KPNA6: variants seen among roughly 807,000 people sequenced by gnomAD.
KPNA6 encodes importin subunit alpha-7.
A neutral mutation model predicts 72.0 loss-of-function variants in KPNA6; 9 were observed. The observed-to-expected ratio is 0.13, with a 90% CI of 0.08 to 0.22. KPNA6 has a LOEUF of 0.22. KPNA6 is among the 10% of genes least tolerant of loss of function. KPNA6 has a pLI of 1.00. For synonymous variants in KPNA6, 219 were observed against 242.1 expected (o/e 0.90, Z 0.89); for missense variants, 374 against 655.7 (o/e 0.57, Z 4.69).
At position 32,147,650 on chromosome 1, in the gene KPNA6, C is replaced by CTTTT. The variant is rs915571659; in HGVS notation, c.5-6914_5-6911dup. Among the ~76,000 whole-genome samples, 15 of 81,868 alleles carry CTTTT rather than the reference C, an allele frequency of 1.8e-4. 1 individual carries two copies. The highest frequency in any genetic ancestry group is 2.5e-4 in the African/African-American group (5 of 20,300). 53.7% of individuals were successfully genotyped at this position (81,868 alleles called of 152,430 possible). A position where few individuals can be genotyped will look rare whatever the true frequency, so the allele number is the denominator to read the frequency against. On this transcript the variant is annotated intron_variant, in intron 1 of 13. Coordinates refer to ENST00000373625, the MANE Select transcript of KPNA6 (RefSeq NM_012316.5). ...CCTTCTGACTTTCGTGATTTCTTTT[C>CTTTT]TTTTTTTTTTTTTTTTTTTTTTTTT...
intron 1 of KPNA6, among the ~76,000 whole-genome samples, chr1:32,146,099 A>G (rs1321303624): frequency 6.6e-6 from 1 of 152,176 alleles, no homozygotes; most frequent in Non-Finnish European, 1.5e-5. Context: ...AATGCCTTGT[A>G]TATCTCTCTT....
intron 1 of KPNA6, among the ~76,000 whole-genome samples, chr1:32,121,865 C>A (rs1040819854): frequency 2.6e-5 from 4 of 151,788 alleles, no homozygotes; most frequent in Non-Finnish European, 4.4e-5. Flanking sequence ...CCCAGCAACT[C>A]AGGAGGCTGA....
Position 32,167,314 on chromosome 1 carries a change from C to T in KPNA6, c.1244+18C>T, listed in dbSNP as rs759624805. The T allele has an allele frequency of 9.9e-6, 16 of 1,613,642 alleles. No homozygotes were observed. Among genetic ancestry groups the T allele is most frequent in the African/African-American group, 1.3e-5 (1 of 74,998 alleles). On this transcript the variant is annotated intron_variant, in intron 12 of 13. Coordinates refer to ENST00000373625, the MANE Select transcript of KPNA6 (RefSeq NM_012316.5). ...CAGATCAGGTATTACATTCCTTTCC[C>T]GTTGTCTTGAATGATAATGGATGCT...
Position 32,141,375 on chromosome 1 carries a change from C to CTTTTTTTTTTTTTTTTTTT in KPNA6, c.5-13191_5-13173dup, listed in dbSNP as rs71006334. Reference sequence around the variant, plus strand: ...AGGGCTTTTTTTTTTTAAGTTAATCCTTTTTTTTTTTTTTTTTTTTTTTTT... The same window carrying CTTTTTTTTTTTTTTTTTTT: ...AGGGCTTTTTTTTTTTAAGTTAATCCTTTTTTTTTTTTTTTTTTTTTTTTTTTTTTTTTTTTTTTTTTTT... On this transcript the variant is annotated intron_variant, in intron 1 of 13. Transcript: ENST00000373625. Among the ~76,000 whole-genome samples the CTTTTTTTTTTTTTTTTTTT allele has an allele frequency of 1.8e-4, 10 of 54,472 alleles. 3 individuals carry two copies. Among genetic ancestry groups the CTTTTTTTTTTTTTTTTTTT allele is most frequent in the Non-Finnish European group, 2.8e-4 (7 of 25,160 alleles). 35.7% of individuals were successfully genotyped at this position (54,472 alleles called of 152,430 possible). A position where few individuals can be genotyped will look rare whatever the true frequency, so the allele number is the denominator to read the frequency against.
intron 1 of KPNA6, among the ~76,000 whole-genome samples, chr1:32,143,545 C>T (rs1043992236): frequency 1.4e-5 from 2 of 146,334 alleles, no homozygotes; most frequent in Non-Finnish European, 3.0e-5. Flanking sequence ...TGCACTCCAG[C>T]CCGGGTGACA....
chr1:32,162,406 G>T lies in KPNA6; in HGVS notation c.793G>T (p.Asp265Tyr). Residue 265 changes from aspartate (D) to tyrosine (Y), a missense_variant, in exon 9 of 14, where the codon GAC (aspartate) becomes TAC (tyrosine). Coordinates refer to ENST00000373625, the MANE Select transcript of KPNA6 (RefSeq NM_012316.5). ...PVLSRLLFSS[D>Y]SDLLADACWA... ...ACTGTCTCGCCTACTCTTCAGCAGCGACTCGGACTTGCTGGCAGATGCTTG... is the reference window on the plus strand; with the variant it reads ...ACTGTCTCGCCTACTCTTCAGCAGCTACTCGGACTTGCTGGCAGATGCTTG... The T allele has an allele frequency of 6.2e-7, 1 of 1,613,558 alleles. No homozygotes were observed. Among genetic ancestry groups the T allele is most frequent in the Non-Finnish European group, 8.5e-7 (1 of 1,179,778 alleles).
intron 1 of KPNA6, among the ~76,000 whole-genome samples, chr1:32,114,038 T>C (rs1309163300): frequency 6.6e-6 from 1 of 152,182 alleles, no homozygotes; most frequent in African/African-American, 2.4e-5. Context: ...TGACTTCTTA[T>C]GAATCGTGAA....
At chr1:32,158,421 G>A in intron 5 of KPNA6, 60 bp downstream of exon 5, 1 of 995,272 alleles carries the variant, frequency 1.0e-6, no homozygotes. Flanking sequence ...TACATAGTAG[G>A]TATATATATT....
rs1557487789 is a variant in KPNA6 at position 32,169,941 on chromosome 1, C to T, written c.1304C>T (p.Ser435Leu). Residue 435 changes from serine (S) to leucine (L), a missense_variant, in exon 13 of 14, where the codon TCG becomes TTG. Around this residue, in one of 3 missense-constraint regions of KPNA6, gnomAD observed 34 missense variants for 110.5 expected, o/e 0.31. Transcript: ENST00000373625. ...PLCDLLTVMD[S>L]KIVQVALNGL... is the part of the protein sequence containing the mutation. ...TGTGACTTGCTGACTGTAATGGATT[C>T]GAAGATTGTGCAAGTGGCCCTCAAT... The T allele has an allele frequency of 2.5e-6, 4 of 1,613,802 alleles. No individual in the cohort carries two copies. The highest frequency in any genetic ancestry group is 3.4e-6 in the Non-Finnish European group (4 of 1,179,986).
At chr1:32,132,243 T>A (rs2124536233) in intron 1 of KPNA6, among the ~76,000 whole-genome samples, 1 of 152,184 alleles carries the variant, frequency 6.6e-6, no homozygotes. Flanking sequence ...AGTGCGGGGA[T>A]TACAGGTATG....
At position 32,173,459 on chromosome 1, in the gene KPNA6, T is replaced by C. The variant is rs1642473608; in HGVS notation, c.*2565T>C. 3 of 203,686 alleles carry C rather than the reference T, an allele frequency of 1.5e-5. No individual in the cohort carries two copies. Among genetic ancestry groups the C allele is most frequent in the African/African-American group, 2.3e-5 (1 of 43,658 alleles). The allele number at this position is 203,686 out of a possible 1,614,324, so 12.6% of individuals were successfully genotyped here. ...CCTAAGAACTCCAAAGGCTAAAGTC[T>C]ACTAGGGGCAGAGTGTGAGGATAGA... is the stretch of plus-strand genomic sequence containing the variant. On this transcript the variant is annotated 3_prime_UTR_variant, in exon 14 of 14. Transcript: ENST00000373625.
At chr1:32,157,744 A>G (rs1306242901) in intron 4 of KPNA6, among the ~76,000 whole-genome samples, 1 of 152,068 alleles carries the variant, frequency 6.6e-6, no homozygotes, top group African/African-American at 2.4e-5. Context: ...CATTATATTT[A>G]TCTTCTAACA....
chr1:32,176,341 C>T lies in KPNA6; in HGVS notation c.*5447C>T, dbSNP rs1642526895. 1 of 151,998 alleles carries T rather than the reference C, an allele frequency of 6.6e-6. No homozygotes were observed. Among genetic ancestry groups the T allele is most frequent in the Admixed American group, 6.6e-5 (1 of 15,260 alleles). 9.4% of individuals were successfully genotyped at this position (151,998 alleles called of 1,614,324 possible). ...TGCAAATTCATTTGCTTTTATTTTT[C>T]TAATAACAATAAACTCTATTTTCCA... On this transcript the variant is annotated 3_prime_UTR_variant, in exon 14 of 14. Coordinates refer to ENST00000373625, the MANE Select transcript of KPNA6 (RefSeq NM_012316.5).
intron 1 of KPNA6, among the ~76,000 whole-genome samples, chr1:32,133,865 C>A (rs1641685416): frequency 6.6e-6 from 1 of 151,580 alleles, no homozygotes; most frequent in South Asian, 2.1e-4. Context: ...CGTGGTGAAA[C>A]CCCGTCTCTA....
In KPNA6 at chr1:32,175,892, G is replaced by C. The variant is rs1306660512; in HGVS notation, c.*4998G>C. ...GCGGGCAGATCACTTGAGGTTAGGG[G>C]TTCAAAACCAGCCTGACCAACATAG... On this transcript the variant is annotated 3_prime_UTR_variant, in exon 14 of 14. Coordinates refer to ENST00000373625, the MANE Select transcript of KPNA6 (RefSeq NM_012316.5). 6.6e-6 allele frequency: 1 copy of C among 151,846 alleles called. No individual in the cohort carries two copies. The highest frequency in any genetic ancestry group is 2.4e-5 in the African/African-American group (1 of 41,316). The allele number at this position is 151,846 out of a possible 1,614,324, so 9.4% of individuals were successfully genotyped here. A position where few individuals can be genotyped will look rare whatever the true frequency, so the allele number is the denominator to read the frequency against.
chr1:32,158,600 A>C (rs1009634973), intron 5 of KPNA6, among the ~76,000 whole-genome samples: 1 of 152,146 alleles, frequency 6.6e-6, no homozygotes, highest in African/African-American at 2.4e-5. Flanking sequence ...TAGTCACCCT[A>C]TTGTGTTACC....
rs148871270 is a variant in KPNA6, at chr1:32,175,054, T to A, written c.*4160T>A. The A allele has an allele frequency of 9.8e-5, 15 of 152,324 alleles. No individual in the cohort carries two copies. Among genetic ancestry groups the A allele is most frequent in the East Asian group, 3.9e-4 (2 of 5,178 alleles). The allele number at this position is 152,324 out of a possible 1,614,324, so 9.4% of individuals were successfully genotyped here. ...TTTGGCCAAGGCCTTCATAAATGAT[T>A]CAGTCTCTCATTATCTGTCCTCTAG... On this transcript the variant is annotated 3_prime_UTR_variant, in exon 14 of 14. Coordinates refer to ENST00000373625, the MANE Select transcript of KPNA6 (RefSeq NM_012316.5).
At chr1:32,112,321 A>G (rs1641255464) in intron 1 of KPNA6, among the ~76,000 whole-genome samples, 1 of 152,226 alleles carries the variant, frequency 6.6e-6, no homozygotes, top group South Asian at 2.1e-4. Flanking sequence ...AAGTAGAGGC[A>G]TACCTCAGAG....
intron 1 of KPNA6, chr1:32,142,998 GC>G: frequency 1.6e-6 from 2 of 1,289,750 alleles, no homozygotes; most frequent in African/African-American, 3.0e-5. Context: ...GACAGCCCAG[GC>G]TCAGTCATGA....
Sources: gnomAD v4.1 joint callset for allele counts (sites outside exome capture counted in the v4.1 genomes callset) on GRCh38, gnomAD v4.1.1 for gene constraint, gnomAD v4.1.1 regional missense constraint, MANE v1.5 for transcripts, NCBI Gene and HGNC (gene_info 2026-07-23, HGNC 2026-07-21) for gene names.